Variants in LRRC37A2 observed in about 807,000 individuals in gnomAD.
LRRC37A2 encodes leucine rich repeat containing 37 member A2.
Under a neutral mutation model 68.8 loss-of-function variants are expected in LRRC37A2, and 9 were observed. The observed-to-expected ratio is 0.13, with a 90% CI of 0.08 to 0.23. LRRC37A2 has a LOEUF of 0.23. Among genes scored for constraint, LRRC37A2 ranks in the 10% least tolerant of loss-of-function variants. The pLI is 1.00. For missense variants in LRRC37A2, 168 were observed against 950.4 expected, an observed-to-expected ratio of 0.18 and a Z score of 10.82; for synonymous variants, 63 against 367.6, an observed-to-expected ratio of 0.17 and a Z score of 9.48.
the LRRC37A2 span, among the ~76,000 whole-genome samples, chr17:46,771,578 GGGCCGC>G: frequency 6.7e-6 from 1 of 148,252 alleles, no homozygotes; most frequent in African/African-American, 2.4e-5. Context: ...GGGGCCCGCT[GGGCCGC>G]TCAATCCGCC....
At chr17:46,771,216 C>T in the LRRC37A2 span, among the ~76,000 whole-genome samples, 1 of 152,200 alleles carries the variant, frequency 6.6e-6, no homozygotes, top group Non-Finnish European at 1.5e-5. Flanking sequence ...GAGCTGGTCC[C>T]GCCCGCGCCC....
At chr17:46,858,609 T>C in the LRRC37A2 span, among the ~76,000 whole-genome samples, 2 of 152,192 alleles carry the variant, frequency 1.3e-5, no homozygotes, top group Non-Finnish European at 2.9e-5. Context: ...TAACTAGTAT[T>C]GCAGTTTACA....
chr17:46,930,953 G>T, the LRRC37A2 span: 1 of 642,060 alleles, frequency 1.6e-6, no homozygotes, highest in Non-Finnish European at 2.8e-6. Context: ...AATTTTTTCT[G>T]TTATTCATTA....
chr17:46,901,093 G>A, the LRRC37A2 span, among the ~76,000 whole-genome samples: 2 of 152,306 alleles, frequency 1.3e-5, no homozygotes, highest in Admixed American at 1.3e-4. Context: ...ATAGGAGGAA[G>A]ATGTTTGAGG....
At chr17:47,018,467 T>C in the LRRC37A2 span, 16 of 1,533,918 alleles carry the variant, frequency 1.0e-5, no homozygotes, top group Middle Eastern at 4.6e-4. Flanking sequence ...CAGCAGAGCC[T>C]AGTGCAGAGG....
the LRRC37A2 span, among the ~76,000 whole-genome samples, chr17:46,585,003 G>A: frequency 3.0e-5 from 2 of 67,382 alleles, no homozygotes; most frequent in African/African-American, 1.2e-4. Flanking sequence ...CCATAAACCT[G>A]CCCTTAAGAG....
chr17:46,784,864 C>T, the LRRC37A2 span, among the ~76,000 whole-genome samples: 1 of 151,688 alleles, frequency 6.6e-6, no homozygotes, highest in Admixed American at 6.6e-5. Context: ...CAAGCTCCAC[C>T]TCCCGGGTTC....
At chr17:46,770,359 A>G in the LRRC37A2 span, among the ~76,000 whole-genome samples, 1 of 152,202 alleles carries the variant, frequency 6.6e-6, no homozygotes, top group Admixed American at 6.5e-5. Context: ...AGGTTGCTGC[A>G]GAGATAAGGC....
At chr17:46,692,613 T>TGATC in the LRRC37A2 span, among the ~76,000 whole-genome samples, 6 of 128,210 alleles carry the variant, frequency 4.7e-5, no homozygotes, top group Non-Finnish European at 9.7e-5. Flanking sequence ...ATAAATTATT[T>TGATC]GATCGACTAC....
At chr17:46,759,930 A>T in the LRRC37A2 span, among the ~76,000 whole-genome samples, 1 of 152,218 alleles carries the variant, frequency 6.6e-6, no homozygotes, top group Non-Finnish European at 1.5e-5. Flanking sequence ...ATAAGGAGAA[A>T]CTACATGTTC....
the LRRC37A2 span, among the ~76,000 whole-genome samples, chr17:46,855,202 C>T: frequency 6.6e-6 from 1 of 152,224 alleles, no homozygotes; most frequent in Non-Finnish European, 1.5e-5. Flanking sequence ...CCCAGGGCAG[C>T]AGTGGCTGCA....
the LRRC37A2 span, chr17:46,931,362 A>ATCT: frequency 4.5e-6 from 3 of 664,046 alleles, no homozygotes; most frequent in Non-Finnish European, 2.7e-6. Flanking sequence ...GCACAATTCT[A>ATCT]TCTGAGTGAT....
intron 8 of LRRC37A2, 114 bp from the exon 8 acceptor site, chr17:46,546,141 C>G (rs2056282598): frequency 7.7e-7 from 1 of 1,307,140 alleles, no homozygotes; most frequent in Admixed American, 1.8e-5. Context: ...ACTGTCCAGT[C>G]CATAGGCTTC....
chr17:46,779,103 A>ACACACACACACACACACACACACCCCCC, the LRRC37A2 span, among the ~76,000 whole-genome samples: 1 of 133,664 alleles, frequency 7.5e-6, no homozygotes, highest in African/African-American at 2.7e-5. Flanking sequence ...ACACACACAC[A>ACACACACACACACACACACACACCCCCC]CCCCAGCCCA....
the LRRC37A2 span, among the ~76,000 whole-genome samples, chr17:46,800,844 C>T: frequency 0.011 from 1,641 of 152,166 alleles, 26 homozygotes; most frequent in African/African-American, 0.038. Flanking sequence ...TTGCTGGGGC[C>T]GCGGTGCTGA....
the LRRC37A2 span, among the ~76,000 whole-genome samples, chr17:46,996,535 ACT>A: frequency 1.3e-5 from 2 of 152,008 alleles, no homozygotes; most frequent in African/African-American, 4.8e-5. Flanking sequence ...GCTCTTGATG[ACT>A]CTGTGCAGGT....
At chr17:46,717,482 G>T in the LRRC37A2 span, among the ~76,000 whole-genome samples, 22,638 of 152,128 alleles carry the variant, frequency 0.15, 3,324 homozygotes, top group East Asian at 0.6. Flanking sequence ...GGAGGCTGAG[G>T]TGGGGGGATC....
At chr17:46,916,820 T>C in the LRRC37A2 span, 1 of 152,220 alleles carries the variant, frequency 6.6e-6, no homozygotes, top group Admixed American at 6.5e-5. Context: ...TCCAAGAGCA[T>C]GGCACCGTCA....
At chr17:46,983,458 C>T in the LRRC37A2 span, among the ~76,000 whole-genome samples, 2 of 152,002 alleles carry the variant, frequency 1.3e-5, no homozygotes, top group African/African-American at 4.8e-5. Flanking sequence ...CCATGCCTGG[C>T]TAATTTTTGT....
Sources: gnomAD v4.1 joint callset for allele counts (sites outside exome capture counted in the v4.1 genomes callset) on GRCh38, gnomAD v4.1.1 for gene constraint, MANE v1.5 for transcripts, NCBI Gene and HGNC (gene_info 2026-07-23, HGNC 2026-07-21) for gene names.